OLFM3: variants seen among roughly 807,000 people sequenced by gnomAD.
The protein encoded by OLFM3 is olfactomedin 3, also known as noelin-3.
Under a neutral mutation model 48.6 loss-of-function variants are expected in OLFM3, and 20 were observed. That is an observed-to-expected ratio of 0.41 (90% CI 0.29 to 0.60). OLFM3 has a LOEUF of 0.60. OLFM3 is among the 20% of genes least tolerant of loss of function. The pLI is 0.28. For synonymous variants in OLFM3, 222 were observed against 198.1 expected (o/e 1.12, Z -1.01); for missense variants, 437 against 544.3 (o/e 0.80, Z 1.96).
rs926900813 is a variant in OLFM3 at position 101,938,452 on chromosome 1, T to C, written c.69+58296A>G. Among the ~76,000 whole-genome samples, 5 of 152,358 alleles carry C rather than the reference T, an allele frequency of 3.3e-5. No individual in the cohort carries two copies. In the East Asian group the frequency reaches 9.6e-4, roughly 29 times the overall value. On this transcript the variant is annotated intron_variant, in intron 1 of 5. Transcript: ENST00000370103. Reference sequence around the variant, plus strand: ...GAGACCATGAACACATTCTCCACTTTCGCCTTCTTTAGCTTATCTTTGCTG... The same window carrying C: ...GAGACCATGAACACATTCTCCACTTCCGCCTTCTTTAGCTTATCTTTGCTG...
At chr1:101,859,903 A>C (rs577655281) in intron 1 of OLFM3, 1 of 151,918 alleles carries the variant, frequency 6.6e-6, no homozygotes, top group African/African-American at 2.4e-5. Flanking sequence ...AGGGAAGGTT[A>C]GTGTGGCCCC....
intron 1 of OLFM3, among the ~76,000 whole-genome samples, chr1:101,922,741 T>G (rs948568894): frequency 1.3e-5 from 2 of 152,164 alleles, no homozygotes; most frequent in African/African-American, 4.8e-5. Context: ...CACCTAAAAA[T>G]GTGTTGTTAA....
chr1:101,947,079 T>C (rs11164344), intron 1 of OLFM3, among the ~76,000 whole-genome samples: 2 of 151,890 alleles, frequency 1.3e-5, no homozygotes, highest in Admixed American at 6.6e-5. Context: ...TTCCTTGAGA[T>C]GCTTTGATAA....
intron 1 of OLFM3, among the ~76,000 whole-genome samples, chr1:101,938,501 C>G (rs575620085): frequency 6.6e-6 from 1 of 152,102 alleles, no homozygotes; most frequent in Non-Finnish European, 1.5e-5. Flanking sequence ...TACCTTGTGC[C>G]CCGTTATTTA....
intron 1 of OLFM3, among the ~76,000 whole-genome samples, chr1:101,897,357 G>A (rs1204706833): frequency 1.3e-5 from 2 of 151,942 alleles, no homozygotes; most frequent in African/African-American, 4.8e-5. Flanking sequence ...CTAGAATTCC[G>A]ACAATTCTAG....
chr1:101,848,193 T>C (rs1250123874), intron 1 of OLFM3, among the ~76,000 whole-genome samples: 1 of 151,976 alleles, frequency 6.6e-6, no homozygotes, highest in African/African-American at 2.4e-5. Context: ...AGTAAAAATA[T>C]AAAGAGAAGA....
rs562026569 is a variant in OLFM3 at position 101,974,351 on chromosome 1, G to C, written c.69+22397C>G. On this transcript the variant is annotated intron_variant, in intron 1 of 5. Transcript: ENST00000370103. ...AAAGTATATTGTTTGACATCAACCT[G>C]CTGATTGCTAATTATTTTTAGTAGG... Among the ~76,000 whole-genome samples, 3 of 152,154 alleles carry C rather than the reference G, an allele frequency of 2.0e-5. No homozygotes were observed. In the South Asian group the frequency reaches 6.2e-4, roughly 32 times the overall value.
At chr1:101,873,559 A>G (rs1657176207) in intron 1 of OLFM3, among the ~76,000 whole-genome samples, 1 of 151,890 alleles carries the variant, frequency 6.6e-6, no homozygotes, top group South Asian at 2.1e-4. Flanking sequence ...GCTGGGGCCC[A>G]GGTGGGGGGT....
At chr1:101,934,028 A>G (rs191137819) in intron 1 of OLFM3, among the ~76,000 whole-genome samples, 9 of 152,354 alleles carry the variant, frequency 5.9e-5, no homozygotes, top group African/African-American at 2.2e-4. Context: ...AAATAGATTA[A>G]CTATTGATAC....
intron 1 of OLFM3, among the ~76,000 whole-genome samples, chr1:101,984,186 C>A (rs1661172515): frequency 6.8e-6 from 1 of 145,998 alleles, no homozygotes; most frequent in Non-Finnish European, 1.5e-5. Context: ...TTGCAGTGAG[C>A]CAAGATGACA....
At chr1:101,930,392 G>A (rs552094929) in intron 1 of OLFM3, among the ~76,000 whole-genome samples, 1 of 152,248 alleles carries the variant, frequency 6.6e-6, no homozygotes, top group African/African-American at 2.4e-5. Flanking sequence ...AGTCTGCATG[G>A]TAGAGTGAGA....
At chr1:101,958,482 A>C (rs1660366010) in intron 1 of OLFM3, among the ~76,000 whole-genome samples, 1 of 152,070 alleles carries the variant, frequency 6.6e-6, no homozygotes, top group South Asian at 2.1e-4. Context: ...TTATTCCACT[A>C]TTTGAGAGTT....
chr1:101,925,876 C>T (rs918022125), intron 1 of OLFM3, among the ~76,000 whole-genome samples: 1 of 152,088 alleles, frequency 6.6e-6, no homozygotes, highest in African/African-American at 2.4e-5. Flanking sequence ...AGGACGTTGA[C>T]ATACCTTATT....
At chr1:101,961,903 G>T (rs376710147) in intron 1 of OLFM3, among the ~76,000 whole-genome samples, 15 of 152,190 alleles carry the variant, frequency 9.9e-5, no homozygotes, top group South Asian at 8.3e-4. Flanking sequence ...AGATCTCAGG[G>T]TTCAGCTACT....
At chr1:101,880,963 A>AACAC (rs1657504617) in intron 1 of OLFM3, among the ~76,000 whole-genome samples, 1 of 151,920 alleles carries the variant, frequency 6.6e-6, no homozygotes, top group Non-Finnish European at 1.5e-5. Context: ...CATGGTAGAG[A>AACAC]ACACACTCGA....
intron 4 of OLFM3, among the ~76,000 whole-genome samples, chr1:101,806,790 A>G (rs767270874): frequency 3.3e-5 from 5 of 151,796 alleles, no homozygotes; most frequent in African/African-American, 7.3e-5. Flanking sequence ...TGAACACACA[A>G]AGAACAAAAC....
At chr1:101,989,210 T>C (rs1200928625) in intron 1 of OLFM3, among the ~76,000 whole-genome samples, 1 of 152,070 alleles carries the variant, frequency 6.6e-6, no homozygotes, top group Non-Finnish European at 1.5e-5. Flanking sequence ...GCATCTGCAA[T>C]CTTCTCTCTA....
intron 1 of OLFM3, among the ~76,000 whole-genome samples, chr1:101,905,478 A>T (rs1658521363): frequency 1.3e-5 from 2 of 152,112 alleles, no homozygotes. Context: ...TTGCCAAAAG[A>T]GTTGTTCTAC....
intron 4 of OLFM3, among the ~76,000 whole-genome samples, chr1:101,820,421 G>A (rs1374138485): frequency 6.6e-6 from 1 of 152,070 alleles, no homozygotes; most frequent in African/African-American, 2.4e-5. Flanking sequence ...TGTTTTTTCA[G>A]TCAAATTCTC....
Sources: gnomAD v4.1 joint callset for allele counts (sites outside exome capture counted in the v4.1 genomes callset) on GRCh38, gnomAD v4.1.1 for gene constraint, MANE v1.5 for transcripts, NCBI Gene and HGNC (gene_info 2026-07-23, HGNC 2026-07-21) for gene names.